DIAPH2: variants seen among roughly 807,000 people sequenced by gnomAD.
DIAPH2 encodes protein diaphanous homolog 2.
In DIAPH2, 35 loss-of-function variants were observed where a neutral mutation model predicts 92.7. The observed-to-expected ratio is 0.38, with a 90% CI of 0.29 to 0.50. The LOEUF (loss-of-function observed/expected upper bound fraction) is 0.50. DIAPH2 is among the 20% of genes least tolerant of loss of function. The pLI is 0.94. For synonymous variants in DIAPH2, 301 were observed against 280.4 expected, an observed-to-expected ratio of 1.07 and a Z score of -0.73; for missense variants, 701 against 819.5, an observed-to-expected ratio of 0.86 and a Z score of 1.77.
At chrX:97,264,434 G>GAC (rs371832874) in intron 23 of DIAPH2, among the ~76,000 whole-genome samples, 2,608 of 108,463 alleles carry the variant, frequency 0.024, 40 homozygotes, top group African/African-American at 0.052. Context: ...TAGACACACA[G>GAC]ACACACACAC....
At chrX:97,239,426 A>G (rs2147537464) in intron 22 of DIAPH2, among the ~76,000 whole-genome samples, 1 of 112,027 alleles carries the variant, frequency 8.9e-6, no homozygotes, top group South Asian at 3.8e-4. Context: ...TTTCTCCTAC[A>G]TATAACTCAA....
chrX:97,122,551 G>A (rs970906898), intron 21 of DIAPH2, among the ~76,000 whole-genome samples: 18 of 111,541 alleles, frequency 1.6e-4, no homozygotes, highest in African/African-American at 5.9e-4. Context: ...AGTGGATCAT[G>A]CTATTTTCAG....
intron 22 of DIAPH2, among the ~76,000 whole-genome samples, chrX:97,192,933 C>T (rs2067666675): frequency 9.0e-6 from 1 of 110,569 alleles, no homozygotes; most frequent in Non-Finnish European, 1.9e-5. Flanking sequence ...TATTCCTAGT[C>T]CACAGCTCTG....
intron 1 of DIAPH2, among the ~76,000 whole-genome samples, chrX:96,712,435 A>G (rs1453907139): frequency 9.0e-6 from 1 of 111,390 alleles, no homozygotes; most frequent in African/African-American, 3.3e-5. Flanking sequence ...CATAAAAAGT[A>G]ACAACTGATG....
chrX:96,895,961 C>CGG (rs1258076531), intron 5 of DIAPH2, among the ~76,000 whole-genome samples: 3 of 111,260 alleles, frequency 2.7e-5, no homozygotes, highest in Non-Finnish European at 5.7e-5. Flanking sequence ...CAAACTGATT[C>CGG]CTAATATTTG....
chrX:96,990,758 C>T (rs1000352399), intron 17 of DIAPH2, among the ~76,000 whole-genome samples: 8 of 110,597 alleles, frequency 7.2e-5, no homozygotes, highest in African/African-American at 2.6e-4. Context: ...AATTATTTAT[C>T]TTTGTTGGAA....
chrX:96,924,621 G>GCTA (rs1399084213), intron 9 of DIAPH2, among the ~76,000 whole-genome samples: 1 of 111,148 alleles, frequency 9.0e-6, no homozygotes, highest in Non-Finnish European at 1.9e-5. Context: ...GCTATAAAGA[G>GCTA]CTACCTAAGG....
intron 22 of DIAPH2, among the ~76,000 whole-genome samples, chrX:97,184,886 TCTAA>T (rs911215132): frequency 1.8e-5 from 2 of 110,885 alleles, no homozygotes; most frequent in African/African-American, 6.6e-5. Context: ...AATCACTTTT[TCTAA>T]TGCAGCGGCA....
At chrX:97,237,440 G>GA (rs1185372010) in intron 22 of DIAPH2, among the ~76,000 whole-genome samples, 2 of 110,493 alleles carry the variant, frequency 1.8e-5, no homozygotes, top group Non-Finnish European at 1.9e-5. Flanking sequence ...TCCAGGAGAA[G>GA]ACTATTCAGG....
At chrX:96,884,542 G>A (rs2065244509) in intron 5 of DIAPH2, 1 of 1,208,528 alleles carries the variant, frequency 8.3e-7, no homozygotes, top group Non-Finnish European at 1.1e-6. Context: ...CTCCATCGTG[G>A]GGGTAATCAG....
At chrX:97,319,146 G>T (rs985491998) in intron 23 of DIAPH2, among the ~76,000 whole-genome samples, 4 of 111,915 alleles carry the variant, frequency 3.6e-5, no homozygotes, top group African/African-American at 9.7e-5. Context: ...AAACAGTTAT[G>T]CAGTAAGAAA....
At chrX:97,315,443 C>T (rs1336573326) in intron 23 of DIAPH2, among the ~76,000 whole-genome samples, 3 of 111,804 alleles carry the variant, frequency 2.7e-5, no homozygotes, top group Non-Finnish European at 3.8e-5. Flanking sequence ...TTAAGGTGTG[C>T]TCCAAGGTAC....
intron 20 of DIAPH2, among the ~76,000 whole-genome samples, chrX:97,113,333 T>C (rs1305683114): frequency 8.9e-6 from 1 of 111,909 alleles, no homozygotes; most frequent in Non-Finnish European, 1.9e-5. Context: ...TTTCAGACTA[T>C]ATTGTAAGCT....
intron 5 of DIAPH2, among the ~76,000 whole-genome samples, chrX:96,911,954 T>A (rs2065471056): frequency 9.0e-6 from 1 of 111,712 alleles, no homozygotes; most frequent in African/African-American, 3.3e-5. Flanking sequence ...GTATTTCAAG[T>A]CTGAAGAATT....
At chrX:96,957,800 A>G (rs1243553678) in intron 15 of DIAPH2, 28 bp from the exon 16 acceptor site, 3 of 1,057,314 alleles carry the variant, frequency 2.8e-6, no homozygotes, top group South Asian at 1.9e-5. Flanking sequence ...TTTTATAAGC[A>G]TTTAAACTTG....
At chrX:97,083,744 C>T (rs2066763994) in intron 19 of DIAPH2, among the ~76,000 whole-genome samples, 1 of 111,944 alleles carries the variant, frequency 8.9e-6, no homozygotes. Flanking sequence ...TAATACGTTC[C>T]CAATCATTTG....
At chrX:96,685,584 G>A (rs1228590250) in intron 1 of DIAPH2, among the ~76,000 whole-genome samples, 1 of 112,332 alleles carries the variant, frequency 8.9e-6, no homozygotes, top group East Asian at 2.8e-4. Context: ...AGGGTCCGGG[G>A]CAGGGGAACC....
At chrX:96,781,015 C>G (rs2064414165) in intron 4 of DIAPH2, among the ~76,000 whole-genome samples, 1 of 109,249 alleles carries the variant, frequency 9.2e-6, no homozygotes, top group Admixed American at 9.9e-5. Flanking sequence ...CCATGTTGGT[C>G]AAGCTGGTCT....
chrX:96,898,128 A>T (rs1301032469), intron 5 of DIAPH2, among the ~76,000 whole-genome samples: 1 of 95,154 alleles, frequency 1.1e-5, no homozygotes, highest in Non-Finnish European at 2.1e-5. Flanking sequence ...TCTATCATTG[A>T]TGGACATTTG....
Sources: gnomAD v4.1 joint callset for allele counts (sites outside exome capture counted in the v4.1 genomes callset) on GRCh38, gnomAD v4.1.1 for gene constraint, MANE v1.5 for transcripts, NCBI Gene and HGNC (gene_info 2026-07-23, HGNC 2026-07-21) for gene names.